The following IKBKB-DT variants were observed in gnomAD, a reference collection of about 807,000 sequenced individuals.
IKBKB-DT encodes IKBKB antisense RNA.
At chr8:42,259,395 C>T (rs1373810624) in intron 3 of IKBKB-DT, among the ~76,000 whole-genome samples, 1 of 152,126 alleles carries the variant, frequency 6.6e-6, no homozygotes, top group Non-Finnish European at 1.5e-5. Context: ...GTCTCTTGTA[C>T]TATGAAGCCA....
intron 3 of IKBKB-DT, chr8:42,255,565 T>G (rs950159592): frequency 1.8e-4 from 27 of 152,344 alleles, no homozygotes; most frequent in African/African-American, 6.0e-4. Context: ...TGAGGTTGGC[T>G]TTTTGGCTCC....
chr8:42,261,770 C>A (rs1222592660), intron 3 of IKBKB-DT, among the ~76,000 whole-genome samples: 2 of 152,152 alleles, frequency 1.3e-5, no homozygotes, highest in African/African-American at 4.8e-5. Context: ...AGATTCTGAC[C>A]GTTTTGATGA....
At chr8:42,258,834 A>C (rs1807242584) in intron 3 of IKBKB-DT, among the ~76,000 whole-genome samples, 1 of 152,038 alleles carries the variant, frequency 6.6e-6, no homozygotes, top group South Asian at 2.1e-4. Context: ...TGTTCTTTAC[A>C]CTTTCTGGTT....
intron 3 of IKBKB-DT, among the ~76,000 whole-genome samples, chr8:42,238,506 G>A (rs577229694): frequency 6.6e-6 from 1 of 152,186 alleles, no homozygotes; most frequent in Non-Finnish European, 1.5e-5. Flanking sequence ...GATGGGAGGG[G>A]CCCAAATTTT....
intron 3 of IKBKB-DT, among the ~76,000 whole-genome samples, chr8:42,260,668 CAAAAAAAA>C (rs771731696): frequency 4.5e-4 from 20 of 44,920 alleles, no homozygotes; most frequent in Non-Finnish European, 6.9e-4. Flanking sequence ...GACTCTGTCT[CAAAAAAAA>C]AAAAAAAAAA....
chr8:42,260,107 G>A (rs768882658), intron 3 of IKBKB-DT, among the ~76,000 whole-genome samples: 1 of 152,050 alleles, frequency 6.6e-6, no homozygotes, highest in East Asian at 1.9e-4. Flanking sequence ...AGCCAGAGTC[G>A]GGAGATCTCA....
chr8:42,265,968 A>C (rs1196582952), exon 2 of IKBKB-DT, among the ~76,000 whole-genome samples: 1 of 152,128 alleles, frequency 6.6e-6, no homozygotes, highest in East Asian at 1.9e-4. Flanking sequence ...CCAGCTCTGC[A>C]TGGAGCCCAA....
At chr8:42,256,409 A>G (rs1044573619) in intron 3 of IKBKB-DT, among the ~76,000 whole-genome samples, 15 of 134,364 alleles carry the variant, frequency 1.1e-4, no homozygotes, top group African/African-American at 4.7e-4. Context: ...CAAAAATACA[A>G]AAAAAAAAAA....
intron 3 of IKBKB-DT, among the ~76,000 whole-genome samples, chr8:42,260,959 C>T (rs146310599): frequency 4.6e-5 from 7 of 152,238 alleles, no homozygotes; most frequent in African/African-American, 1.7e-4. Flanking sequence ...CTCCCATAGA[C>T]AGCCAAGGGA....
At chr8:42,253,827 C>G (rs1032439983) in intron 3 of IKBKB-DT, among the ~76,000 whole-genome samples, 5 of 152,206 alleles carry the variant, frequency 3.3e-5, no homozygotes, top group Non-Finnish European at 7.3e-5. Flanking sequence ...ACTGCTGTGC[C>G]CAGTTTCCAT....
intron 3 of IKBKB-DT, among the ~76,000 whole-genome samples, chr8:42,255,073 G>C (rs182362545): frequency 7.3e-6 from 1 of 136,100 alleles, no homozygotes; most frequent in African/African-American, 2.8e-5. Context: ...GAAGAGCGCC[G>C]CTGCCCAGCT....
At chr8:42,264,241 C>T (rs1020609081) in intron 2 of IKBKB-DT, among the ~76,000 whole-genome samples, 10 of 151,642 alleles carry the variant, frequency 6.6e-5, no homozygotes, top group African/African-American at 1.2e-4. Context: ...TTGCTGGTCT[C>T]GAACTCCTGA....
intron 3 of IKBKB-DT, among the ~76,000 whole-genome samples, chr8:42,261,570 G>A (rs990806706): frequency 2.6e-5 from 4 of 152,142 alleles, no homozygotes; most frequent in East Asian, 1.9e-4. Context: ...AAAAATAACC[G>A]AGGTTATTTC....
chr8:42,253,066 C>T (rs762502977), intron 3 of IKBKB-DT, among the ~76,000 whole-genome samples: 15 of 152,140 alleles, frequency 9.9e-5, no homozygotes, highest in East Asian at 3.8e-4. Context: ...AAGAGATTAA[C>T]GAAGAGTCTA....
At chr8:42,250,302 A>T (rs1384039325) in intron 3 of IKBKB-DT, among the ~76,000 whole-genome samples, 1 of 152,146 alleles carries the variant, frequency 6.6e-6, no homozygotes, top group African/African-American at 2.4e-5. Context: ...AGGTGGAGCC[A>T]TCGGTATCAG....
intron 3 of IKBKB-DT, among the ~76,000 whole-genome samples, chr8:42,244,285 G>A (rs950260742): frequency 6.6e-6 from 1 of 152,100 alleles, no homozygotes; most frequent in Admixed American, 6.6e-5. Flanking sequence ...CTTGACACAG[G>A]GTAGTCAGTT....
intron 3 of IKBKB-DT, among the ~76,000 whole-genome samples, chr8:42,235,158 C>CTTTTTTT (rs60779879): frequency 0.25 from 35,088 of 141,764 alleles, 5,161 homozygotes; most frequent in African/African-American, 0.4. Context: ...TTTTTTTTTT[C>CTTTTTTT]TAACTCTTTT....
At position 42,245,031 on chromosome 8, in the gene IKBKB-DT, C is replaced by T. The variant is rs560643357; in HGVS notation, n.1530-11172G>A. ...TTGGGAGGCCAAGGCAGGAGGATCA[C>T]GAGGTCAGGAGATTGAGACCATCCT... On this transcript the variant is annotated intron_variant and non_coding_transcript_variant, in intron 3 of 3. Coordinates refer to ENST00000518213, the Ensembl canonical transcript of IKBKB-DT. Among the ~76,000 whole-genome samples the T allele has an allele frequency of 2.6e-5, 4 of 151,872 alleles. No individual in the cohort carries two copies. In the South Asian group the frequency reaches 6.3e-4, roughly 24 times the overall value.
intron 3 of IKBKB-DT, among the ~76,000 whole-genome samples, chr8:42,242,040 C>A (rs1453509638): frequency 6.6e-6 from 1 of 152,054 alleles, no homozygotes; most frequent in African/African-American, 2.4e-5. Context: ...CATGGTGAAA[C>A]CCCATCTCTA....
Sources: allele counts gnomAD v4.1 joint callset (sites outside exome capture counted in the v4.1 genomes callset), GRCh38; gene constraint gnomAD v4.1.1; transcripts MANE v1.5; gene names NCBI Gene and HGNC (gene_info 2026-07-23, HGNC 2026-07-21).